DLGAP2: variants seen among roughly 807,000 people sequenced by gnomAD.
The protein encoded by DLGAP2 is disks large-associated protein 2.
In DLGAP2, 26 loss-of-function variants were observed where a neutral mutation model predicts 100.3. That is an observed-to-expected ratio of 0.26 (90% CI 0.19 to 0.36). The LOEUF (loss-of-function observed/expected upper bound fraction) is 0.36. Ranked by LOEUF, DLGAP2 falls within the 10% of genes least tolerant of loss-of-function variation. The pLI is 1.00. For synonymous variants in DLGAP2, 886 were observed against 630.1 expected, an observed-to-expected ratio of 1.41 and a Z score of -6.08; for missense variants, 1,858 against 1,453.2, an observed-to-expected ratio of 1.28 and a Z score of -4.53.
chr8:1,027,303 C>G (rs1801828322), intron 2 of DLGAP2, among the ~76,000 whole-genome samples: 1 of 152,166 alleles, frequency 6.6e-6, no homozygotes, highest in Admixed American at 6.5e-5. Context: ...GCCGGGTGCC[C>G]ATTATTCTCC....
intron 2 of DLGAP2, among the ~76,000 whole-genome samples, chr8:1,188,707 A>C (rs957490686): frequency 6.6e-6 from 1 of 152,130 alleles, no homozygotes; most frequent in Non-Finnish European, 1.5e-5. Flanking sequence ...CTTTTTGGCA[A>C]GCAGATGAAC....
intron 2 of DLGAP2, among the ~76,000 whole-genome samples, chr8:957,488 G>A (rs917692497): frequency 6.6e-6 from 1 of 152,222 alleles, no homozygotes; most frequent in African/African-American, 2.4e-5. Context: ...CACCAGCCTA[G>A]AGATGCTGAT....
chr8:1,318,763 C>T (rs10094861), intron 3 of DLGAP2, among the ~76,000 whole-genome samples: 1 of 145,886 alleles, frequency 6.9e-6, no homozygotes, highest in Non-Finnish European at 1.5e-5. Context: ...GTAACTAATC[C>T]ATTGTCAGTG....
intron 4 of DLGAP2, among the ~76,000 whole-genome samples, chr8:1,547,473 G>T (rs1240863644): frequency 1.3e-5 from 2 of 152,040 alleles, no homozygotes; most frequent in South Asian, 2.1e-4. Flanking sequence ...AAGGAGGAGG[G>T]TCTGGGGCAG....
At chr8:1,570,620 C>T (rs1048190621) in intron 6 of DLGAP2, among the ~76,000 whole-genome samples, 1 of 152,068 alleles carries the variant, frequency 6.6e-6, no homozygotes, top group African/African-American at 2.4e-5. Flanking sequence ...GAGGCGTCTG[C>T]TGGGATGGAG....
intron 2 of DLGAP2, among the ~76,000 whole-genome samples, chr8:1,209,264 A>G (rs1339733781): frequency 6.6e-6 from 1 of 152,232 alleles, no homozygotes; most frequent in Admixed American, 6.5e-5. Flanking sequence ...CTATAAGGCT[A>G]TAATCACCAA....
chr8:1,024,100 C>G (rs973932107), intron 2 of DLGAP2, among the ~76,000 whole-genome samples: 76 of 152,092 alleles, frequency 5.0e-4, no homozygotes, highest in African/African-American at 1.8e-3. Flanking sequence ...CCGGCTTGGG[C>G]TGTAAGTGAA....
chr8:912,254 A>T (rs1207130974), intron 2 of DLGAP2, among the ~76,000 whole-genome samples: 1 of 152,240 alleles, frequency 6.6e-6, no homozygotes, highest in Non-Finnish European at 1.5e-5. Flanking sequence ...TTTGAGATAC[A>T]TTATGTTTCT....
chr8:847,804 TG>T (rs1563061293), intron 1 of DLGAP2, among the ~76,000 whole-genome samples: 2 of 152,198 alleles, frequency 1.3e-5, no homozygotes, highest in Non-Finnish European at 2.9e-5. Flanking sequence ...TCACTGCGCC[TG>T]GCCTTTGACT....
At chr8:1,180,735 T>C (rs1266813192) in intron 2 of DLGAP2, among the ~76,000 whole-genome samples, 2 of 151,044 alleles carry the variant, frequency 1.3e-5, no homozygotes, top group East Asian at 2.0e-4. Context: ...ACACTTACCA[T>C]TGAGTCTGTG....
Position 955,538 on chromosome 8 carries a change from C to T in DLGAP2, c.73+47572C>T, listed in dbSNP as rs148919019. 6.4e-3 allele frequency among the ~76,000 whole-genome samples: 972 copies of T among 152,244 alleles called. 8 individuals carry two copies. The highest frequency in any genetic ancestry group is 0.022 in the African/African-American group (928 of 41,550). On this transcript the variant is annotated intron_variant, in intron 2 of 14. Transcript: ENST00000637795. The stretch of plus-strand genomic sequence containing the variant: ...TCTGAGCCCCGGGTTGGGTGGGCTT[C>T]CTTCTTGGCTTGTCTGCCTTAACAG...
At chr8:1,144,849 GCAGACGGCCTGTATGAACAGTCAAACCA>G (rs1796579229) in intron 2 of DLGAP2, among the ~76,000 whole-genome samples, 7 of 151,408 alleles carry the variant, frequency 4.6e-5, no homozygotes, top group Admixed American at 4.6e-4. Context: ...CAGTCAGACC[GCAGACGGCCTGTATGAACAGTCAAACCA>G]CAGACGGCCT....
At chr8:825,688 C>T (rs1001334851) in intron 1 of DLGAP2, among the ~76,000 whole-genome samples, 1 of 152,062 alleles carries the variant, frequency 6.6e-6, no homozygotes, top group Admixed American at 6.5e-5. Flanking sequence ...CATTGATTTT[C>T]TTTTTTAAAA....
At chr8:787,486 A>C (rs1366118056) in intron 1 of DLGAP2, among the ~76,000 whole-genome samples, 1 of 152,190 alleles carries the variant, frequency 6.6e-6, no homozygotes, top group Non-Finnish European at 1.5e-5. Context: ...TGAAGGAAGG[A>C]TGGTCCTGTG....
intron 6 of DLGAP2, among the ~76,000 whole-genome samples, chr8:1,617,600 T>TG (rs1797198270): frequency 6.6e-6 from 1 of 152,242 alleles, no homozygotes; most frequent in African/African-American, 2.4e-5. Context: ...TCCTTATAGA[T>TG]GCTGGGTATT....
intron 2 of DLGAP2, among the ~76,000 whole-genome samples, chr8:987,643 G>C (rs772398402): frequency 1.3e-5 from 2 of 152,296 alleles, no homozygotes; most frequent in African/African-American, 2.4e-5. Context: ...TCTTACTGCA[G>C]CTCGTGGGAA....
chr8:1,270,691 T>G (rs899955117), intron 3 of DLGAP2, among the ~76,000 whole-genome samples: 36 of 94,324 alleles, frequency 3.8e-4, no homozygotes, highest in African/African-American at 1.2e-3. Flanking sequence ...TATTTATGTC[T>G]CTGTGTGTGT....
chr8:1,160,487 G>A (rs570143067), intron 2 of DLGAP2, among the ~76,000 whole-genome samples: 1 of 152,210 alleles, frequency 6.6e-6, no homozygotes, highest in Non-Finnish European at 1.5e-5. Context: ...GGAGTCTTTT[G>A]TGGTCATTTT....
chr8:1,188,588 C>G (rs532826020), intron 2 of DLGAP2, among the ~76,000 whole-genome samples: 82 of 152,060 alleles, frequency 5.4e-4, no homozygotes, highest in South Asian at 1.0e-3. Flanking sequence ...CGGAATCTCA[C>G]ACACCCGGGA....
Sources: allele counts gnomAD v4.1 joint callset (sites outside exome capture counted in the v4.1 genomes callset), GRCh38; gene constraint gnomAD v4.1.1; transcripts MANE v1.5; gene names NCBI Gene and HGNC (gene_info 2026-07-23, HGNC 2026-07-21).